The following HPSE2 variants were observed in gnomAD, a reference collection of about 807,000 sequenced individuals.
HPSE2 encodes inactive heparanase-2.
In HPSE2, 38 loss-of-function variants were observed where a neutral mutation model predicts 60.5. The ratio of observed to expected loss-of-function variants is 0.63; its 90% CI spans 0.48 to 0.82. The LOEUF is 0.82. HPSE2 is among the 40% of genes least tolerant of loss of function. The pLI, the probability that HPSE2 is intolerant of heterozygous loss-of-function variation, is 0.00. For synonymous variants in HPSE2, 295 were observed against 293.2 expected (o/e 1.01, Z -0.06); for missense variants, 713 against 740.4 (o/e 0.96, Z 0.43).
At chr10:99,243,626 G>A in the HPSE2 span, among the ~76,000 whole-genome samples, 7 of 152,118 alleles carry the variant, frequency 4.6e-5, no homozygotes, top group Non-Finnish European at 1.0e-4. Context: ...AGAAAGCAAT[G>A]TATATAAATC....
chr10:98,576,390 C>A (rs1211749357), intron 9 of HPSE2, among the ~76,000 whole-genome samples: 1 of 151,966 alleles, frequency 6.6e-6, no homozygotes, highest in Non-Finnish European at 1.5e-5. Flanking sequence ...AGTTTAATAT[C>A]TTTTTTTGGA....
chr10:98,996,404 G>A (rs1288901818), intron 3 of HPSE2, among the ~76,000 whole-genome samples: 2 of 152,144 alleles, frequency 1.3e-5, no homozygotes, highest in Admixed American at 1.3e-4. Flanking sequence ...GTGTGAAATG[G>A]TAGAACCACT....
chr10:99,034,623 G>GTA (rs201307866), intron 3 of HPSE2, among the ~76,000 whole-genome samples: 9 of 151,764 alleles, frequency 5.9e-5, no homozygotes, highest in South Asian at 2.1e-4. Flanking sequence ...ACACATGTGT[G>GTA]TATATATATA....
chr10:99,223,309 G>A (rs1403823478), intron 2 of HPSE2, among the ~76,000 whole-genome samples: 1 of 152,094 alleles, frequency 6.6e-6, no homozygotes, highest in Non-Finnish European at 1.5e-5. Flanking sequence ...CACATAATAA[G>A]CATTCAATAA....
intron 3 of HPSE2, among the ~76,000 whole-genome samples, chr10:99,090,683 A>G (rs986698388): frequency 6.6e-6 from 1 of 152,122 alleles, no homozygotes; most frequent in African/African-American, 2.4e-5. Context: ...CCATTATTTC[A>G]TCTGTTATAA....
At chr10:98,743,120 C>G (rs571647236) in intron 4 of HPSE2, among the ~76,000 whole-genome samples, 1 of 151,844 alleles carries the variant, frequency 6.6e-6, no homozygotes, top group African/African-American at 2.4e-5. Flanking sequence ...TTATAGGCGG[C>G]TGCCACCACG....
intron 3 of HPSE2, among the ~76,000 whole-genome samples, chr10:99,019,089 T>C (rs9633707): frequency 0.49 from 74,067 of 152,098 alleles, 20,243 homozygotes; most frequent in East Asian, 0.62. Flanking sequence ...CCCTGCTGGA[T>C]GACAGCAGAA....
At position 98,881,785 on chromosome 10, in the gene HPSE2, C is replaced by A. The variant is rs535130465; in HGVS notation, c.611-137729G>T. On this transcript the variant is annotated intron_variant, in intron 3 of 11. Transcript: ENST00000370552. Reference sequence around the variant, plus strand: ...GTTATGACAGCTAGCCTTTGTTTACCAGTTTCTATGTACCAAACATTCTCT... The same window carrying A: ...GTTATGACAGCTAGCCTTTGTTTACAAGTTTCTATGTACCAAACATTCTCT... Among the ~76,000 whole-genome samples the A allele has an allele frequency of 3.9e-5, 6 of 152,150 alleles. No homozygotes were observed. In the East Asian group the frequency reaches 1.2e-3, roughly 29 times the overall value.
intron 2 of HPSE2, among the ~76,000 whole-genome samples, chr10:99,184,859 G>A (rs1314579081): frequency 1.7e-5 from 2 of 114,534 alleles, no homozygotes; most frequent in Non-Finnish European, 3.8e-5. Context: ...GAGAGAGAGA[G>A]AGAGACAGAA....
At chr10:99,270,974 A>C in the HPSE2 span, among the ~76,000 whole-genome samples, 1 of 152,234 alleles carries the variant, frequency 6.6e-6, no homozygotes, top group Non-Finnish European at 1.5e-5. Flanking sequence ...TTGGCATAGA[A>C]GGGACATACC....
intron 6 of HPSE2, among the ~76,000 whole-genome samples, chr10:98,674,263 T>C (rs1947579836): frequency 6.6e-6 from 1 of 152,250 alleles, no homozygotes; most frequent in South Asian, 2.1e-4. Context: ...TCTGAGGATA[T>C]GCATTTTGAG....
intron 3 of HPSE2, among the ~76,000 whole-genome samples, chr10:99,063,560 T>G (rs1283023155): frequency 6.6e-6 from 1 of 152,206 alleles, no homozygotes; most frequent in African/African-American, 2.4e-5. Context: ...TTCCCTGTAC[T>G]GTTTAAAATG....
chr10:98,985,212 A>T (rs1956311528), intron 3 of HPSE2, among the ~76,000 whole-genome samples: 1 of 152,198 alleles, frequency 6.6e-6, no homozygotes, highest in South Asian at 2.1e-4. Context: ...AGTTGAAATG[A>T]AGGAAAAAAT....
chr10:98,935,070 G>T (rs1406353655), intron 3 of HPSE2, among the ~76,000 whole-genome samples: 2 of 141,120 alleles, frequency 1.4e-5, no homozygotes, highest in Non-Finnish European at 3.0e-5. Context: ...CTGCTTGGTT[G>T]ATCTGGCTAT....
chr10:98,987,542 G>C (rs1038607465), intron 3 of HPSE2, among the ~76,000 whole-genome samples: 26 of 152,224 alleles, frequency 1.7e-4, no homozygotes, highest in Non-Finnish European at 3.1e-4. Flanking sequence ...ATATCATACT[G>C]AATGGGCAAA....
At chr10:98,635,964 T>C (rs1009058978) in intron 7 of HPSE2, among the ~76,000 whole-genome samples, 3 of 152,056 alleles carry the variant, frequency 2.0e-5, no homozygotes, top group African/African-American at 7.2e-5. Flanking sequence ...TGTTCATATG[T>C]GGAAGCTAAG....
intron 9 of HPSE2, among the ~76,000 whole-genome samples, chr10:98,551,537 C>G (rs371995304): frequency 1.2e-4 from 18 of 152,280 alleles, no homozygotes; most frequent in African/African-American, 3.4e-4. Context: ...CTAAGCCAAT[C>G]AAATTTTCTC....
chr10:98,934,560 T>C (rs1954735661), intron 3 of HPSE2, among the ~76,000 whole-genome samples: 1 of 144,208 alleles, frequency 6.9e-6, no homozygotes, highest in African/African-American at 2.8e-5. Flanking sequence ...AGATATGAAA[T>C]TCTGGGTTGG....
rs758991622 is a variant in HPSE2 at position 98,580,863 on chromosome 10, T to TGTGTGA, written c.1320+34040_1320+34041insTCACAC. On this transcript the variant is annotated intron_variant, in intron 9 of 11. Coordinates refer to ENST00000370552, the MANE Select transcript of HPSE2 (RefSeq NM_021828.5). ...GTGTGTGTGTGTGTGTGTGTGTGTG[T>TGTGTGA]GATAAACATGATATATATAAAATAT... Among the ~76,000 whole-genome samples the TGTGTGA allele has an allele frequency of 2.9e-3, 417 of 142,546 alleles. 4 individuals are homozygous for TGTGTGA. The highest frequency in any genetic ancestry group is 9.6e-3 in the African/African-American group (366 of 38,004). The allele number at this position is 142,546 out of a possible 152,430, so 93.5% of individuals were successfully genotyped here.
Sources: allele counts gnomAD v4.1 joint callset (sites outside exome capture counted in the v4.1 genomes callset), GRCh38; gene constraint gnomAD v4.1.1; transcripts MANE v1.5; gene names NCBI Gene and HGNC (gene_info 2026-07-23, HGNC 2026-07-21).